FTO: variants seen among roughly 807,000 people sequenced by gnomAD.
The protein encoded by FTO is alpha-ketoglutarate-dependent dioxygenase FTO.
FTO carries 47 observed loss-of-function variants against 63.9 expected under a neutral mutation model. The ratio of observed to expected loss-of-function variants is 0.74; its 90% confidence interval spans 0.58 to 0.94. The LOEUF (loss-of-function observed/expected upper bound fraction) is 0.94, where lower values mean the gene tolerates loss of function less well. Among genes scored for constraint, FTO ranks in the 40% least tolerant of loss-of-function variants. The pLI, the probability that FTO is intolerant of heterozygous loss-of-function variation, is 0.00. For missense variants in FTO, 562 were observed against 618.1 expected, an observed-to-expected ratio of 0.91 and a Z score of 0.96; for synonymous variants, 207 against 224.4, an observed-to-expected ratio of 0.92 and a Z score of 0.69.
At chr16:53,732,052 T>A (rs375763036) in intron 1 of FTO, among the ~76,000 whole-genome samples, 55,971 of 133,490 alleles carry the variant, frequency 0.42, 11,673 homozygotes, top group Middle Eastern at 0.52. Flanking sequence ...TTTTTTTTTT[T>A]TTTTTTTTTT....
chr16:53,795,449 T>TTGTGTG (rs66611114), intron 1 of FTO, among the ~76,000 whole-genome samples: 1 of 149,660 alleles, frequency 6.7e-6, no homozygotes, highest in Non-Finnish European at 1.5e-5. Flanking sequence ...GCTAATACAT[T>TTGTGTG]TGTGTGTGTG....
intron 8 of FTO, among the ~76,000 whole-genome samples, chr16:53,974,973 C>T (rs533898990): frequency 6.6e-6 from 1 of 152,140 alleles, no homozygotes; most frequent in East Asian, 1.9e-4. Context: ...GAAACATTTC[C>T]TAGGAATCTC....
At chr16:54,074,651 AT>A (rs1247118899) in intron 8 of FTO, among the ~76,000 whole-genome samples, 2 of 152,088 alleles carry the variant, frequency 1.3e-5, no homozygotes, top group South Asian at 4.1e-4. Context: ...GTTGTTTCCT[AT>A]TTTTTTCCCT....
chr16:53,835,808 GTTTA>G (rs993453495), intron 3 of FTO, among the ~76,000 whole-genome samples: 5 of 150,270 alleles, frequency 3.3e-5, no homozygotes, highest in African/African-American at 1.2e-4. Context: ...TAGTTTTCTT[GTTTA>G]TTCCCTTATT....
chr16:53,902,973 A>G (rs972737993), intron 7 of FTO, among the ~76,000 whole-genome samples: 1 of 152,126 alleles, frequency 6.6e-6, no homozygotes, highest in Non-Finnish European at 1.5e-5. Context: ...AGCCAGGCGT[A>G]GTGGCACATG....
intron 1 of FTO, among the ~76,000 whole-genome samples, chr16:53,809,327 A>T (rs2078458306): frequency 1.3e-5 from 2 of 152,224 alleles, no homozygotes; most frequent in East Asian, 3.9e-4. Flanking sequence ...CCGTAAGTGG[A>T]TATGATCTCA....
intron 4 of FTO, among the ~76,000 whole-genome samples, chr16:53,873,253 C>A (rs550077866): frequency 1.3e-5 from 2 of 152,150 alleles, no homozygotes; most frequent in African/African-American, 2.4e-5. Context: ...AAGCTCAATT[C>A]ATATATAGTG....
chr16:53,785,786 T>C (rs1175886838), intron 1 of FTO, among the ~76,000 whole-genome samples: 7 of 151,980 alleles, frequency 4.6e-5, no homozygotes, highest in African/African-American at 1.5e-4. Context: ...GACATGCGCC[T>C]GTAGTCCCAG....
chr16:53,783,288 C>T (rs930221249), intron 1 of FTO, among the ~76,000 whole-genome samples: 16 of 151,910 alleles, frequency 1.1e-4, no homozygotes, highest in African/African-American at 3.9e-4. Context: ...GAGACCAACC[C>T]GGCCAAGTTG....
At chr16:54,078,194 T>C (rs2086047616) in intron 8 of FTO, among the ~76,000 whole-genome samples, 1 of 151,430 alleles carries the variant, frequency 6.6e-6, no homozygotes, top group Admixed American at 6.6e-5. Context: ...AGTTTACATA[T>C]ACAAATACAC....
intron 8 of FTO, among the ~76,000 whole-genome samples, chr16:54,014,178 C>A (rs2084385577): frequency 6.6e-6 from 1 of 152,134 alleles, no homozygotes; most frequent in African/African-American, 2.4e-5. Flanking sequence ...AAAAGACTTA[C>A]AATGACCTCC....
At chr16:54,057,486 C>T (rs970877604) in intron 8 of FTO, among the ~76,000 whole-genome samples, 1 of 152,142 alleles carries the variant, frequency 6.6e-6, no homozygotes, top group Non-Finnish European at 1.5e-5. Context: ...TTTGTTTTGA[C>T]ACGGTCTCAT....
At chr16:53,778,448 A>G (rs1257444686) in intron 1 of FTO, among the ~76,000 whole-genome samples, 3 of 152,198 alleles carry the variant, frequency 2.0e-5, no homozygotes, top group African/African-American at 4.8e-5. Flanking sequence ...TTGATTAGTG[A>G]CAAGGCACCT....
chr16:53,844,440 A>G (rs1476988324), intron 4 of FTO, 142 bp downstream of exon 4: 9 of 709,770 alleles, frequency 1.3e-5, no homozygotes, highest in Non-Finnish European at 2.1e-5. Context: ...AGAACATGTA[A>G]CTAGGTTTTT....
At chr16:54,024,986 TCTC>T (rs1428775905) in intron 8 of FTO, among the ~76,000 whole-genome samples, 1 of 152,220 alleles carries the variant, frequency 6.6e-6, no homozygotes, top group Non-Finnish European at 1.5e-5. Context: ...AAGAAGAACT[TCTC>T]AGTAAGAAAT....
chr16:54,037,453 C>T (rs2084966889), intron 8 of FTO, among the ~76,000 whole-genome samples: 1 of 152,218 alleles, frequency 6.6e-6, no homozygotes, highest in Non-Finnish European at 1.5e-5. Flanking sequence ...CCCTCCTTGT[C>T]ACGTTGATGA....
chr16:53,880,038 A>G, intron 6 of FTO, 51 bp downstream of exon 6: 1 of 1,399,202 alleles, frequency 7.1e-7, no homozygotes, highest in Non-Finnish European at 1.0e-6. Context: ...TCTGTCACCC[A>G]GGCTGGAGTG....
chr16:53,953,848 A>G (rs1036440328), intron 8 of FTO, among the ~76,000 whole-genome samples: 7 of 152,256 alleles, frequency 4.6e-5, no homozygotes, highest in African/African-American at 1.7e-4. Flanking sequence ...TTTTAAAATT[A>G]TAGGTACAGT....
At chr16:54,019,524 G>A (rs2144135668) in intron 8 of FTO, among the ~76,000 whole-genome samples, 1 of 152,270 alleles carries the variant, frequency 6.6e-6, no homozygotes, top group East Asian at 1.9e-4. Flanking sequence ...TGTCCAATGT[G>A]GAAGGTCCTC....
Sources: allele counts gnomAD v4.1 joint callset (sites outside exome capture counted in the v4.1 genomes callset), GRCh38; gene constraint gnomAD v4.1.1; transcripts MANE v1.5; gene names NCBI Gene and HGNC (gene_info 2026-07-23, HGNC 2026-07-21).